Variants in RIPOR2 observed in about 807,000 individuals in gnomAD.
RIPOR2 encodes the protein rho family-interacting cell polarization regulator 2.
RIPOR2 carries 39 observed loss-of-function variants against 114.5 expected under a neutral mutation model. The ratio of observed to expected loss-of-function variants is 0.34; its 90% CI spans 0.26 to 0.44. RIPOR2 has a LOEUF of 0.44. Among genes scored for constraint, RIPOR2 ranks in the 20% least tolerant of loss-of-function variants. The probability of loss-of-function intolerance (pLI) is 1.00; values close to 1 mark genes in which losing one functional copy is unlikely to be tolerated. For synonymous variants in RIPOR2, 445 were observed against 484.4 expected (o/e 0.92, Z 1.07); for missense variants, 1,007 against 1,255.1 (o/e 0.80, Z 2.99).
chr6:24,870,718 T>A, intron 5 of RIPOR2, 148 bp downstream of exon 5: 1 of 566,644 alleles, frequency 1.8e-6, no homozygotes, highest in Non-Finnish European at 3.1e-6. Flanking sequence ...TTTGCCACAT[T>A]GCCCAGGCAG....
chr6:24,932,413 A>T (rs115493253), intron 1 of RIPOR2, among the ~76,000 whole-genome samples: 1,573 of 151,742 alleles, frequency 0.01, 33 homozygotes, highest in African/African-American at 0.036. Flanking sequence ...TGGGATTTGC[A>T]GTGTGTAGGT....
chr6:24,929,337 C>T (rs938937664), intron 1 of RIPOR2: 4 of 152,114 alleles, frequency 2.6e-5, no homozygotes, highest in African/African-American at 9.7e-5. Flanking sequence ...TGACACGTCC[C>T]TCTTCAGCCT....
At chr6:25,003,405 T>C (rs1775405796) in intron 1 of RIPOR2, among the ~76,000 whole-genome samples, 1 of 145,720 alleles carries the variant, frequency 6.9e-6, no homozygotes, top group Middle Eastern at 3.6e-3. Flanking sequence ...TTATTATTAT[T>C]ATTATTATTA....
At chr6:24,889,966 A>ACTG (rs1174723355) in intron 1 of RIPOR2, among the ~76,000 whole-genome samples, 1 of 152,022 alleles carries the variant, frequency 6.6e-6, no homozygotes, top group African/African-American at 2.4e-5. Flanking sequence ...ATCTTGGCTC[A>ACTG]CTGCAACCTC....
At chr6:24,909,838 G>A (rs769773309) in intron 1 of RIPOR2, among the ~76,000 whole-genome samples, 31 of 152,000 alleles carry the variant, frequency 2.0e-4, no homozygotes, top group South Asian at 1.7e-3. Context: ...TCCAAGACAG[G>A]GACCTACGAG....
At chr6:24,850,784 C>T in intron 9 of RIPOR2, 62 bp from the exon 10 acceptor site, 1 of 1,591,542 alleles carries the variant, frequency 6.3e-7, no homozygotes, top group South Asian at 1.1e-5. Context: ...ACCAGAACAC[C>T]AAGATCAAAA....
intron 21 of RIPOR2, among the ~76,000 whole-genome samples, 198 bp downstream of exon 21, chr6:24,809,519 C>G (rs1780996316): frequency 6.6e-6 from 1 of 152,214 alleles, no homozygotes; most frequent in South Asian, 2.1e-4. Flanking sequence ...AGCATCCAGA[C>G]AGAACAAGGA....
chr6:24,826,782 C>A (rs1285903706), intron 18 of RIPOR2, among the ~76,000 whole-genome samples: 1 of 152,114 alleles, frequency 6.6e-6, no homozygotes. Flanking sequence ...GATCAATACT[C>A]TATAAGGCAT....
chr6:25,025,709 C>T (rs1277854743), intron 1 of RIPOR2, among the ~76,000 whole-genome samples: 1 of 152,178 alleles, frequency 6.6e-6, no homozygotes, highest in Non-Finnish European at 1.5e-5. Context: ...AGAAAAACTT[C>T]CTGTGATATG....
At chr6:25,013,754 A>G (rs61176793) in intron 1 of RIPOR2, among the ~76,000 whole-genome samples, 3,977 of 152,296 alleles carry the variant, frequency 0.026, 93 homozygotes, top group East Asian at 0.064. Context: ...AAATTTTCAA[A>G]TCAGAAAGTG....
intron 15 of RIPOR2, 132 bp from the exon 16 acceptor site, chr6:24,832,523 A>G: frequency 3.9e-6 from 3 of 769,730 alleles, no homozygotes; most frequent in Non-Finnish European, 6.3e-6. Flanking sequence ...CCAGCTCGAT[A>G]ATGATCCTCA....
chr6:24,809,724 C>T lies in RIPOR2; in HGVS notation c.3036G>A (p.Leu1012=), dbSNP rs1781015280. The T allele has an allele frequency of 6.5e-7, 1 of 1,543,728 alleles. No individual in the cohort carries two copies. The highest frequency in any genetic ancestry group is 8.8e-7 in the Non-Finnish European group (1 of 1,139,704). ...AACAACAATAAAACTCACCCAGAGACAAGAGGGTTTCTGAGGCCACATTTC... is the reference window on the plus strand; with the variant it reads ...AACAACAATAAAACTCACCCAGAGATAAGAGGGTTTCTGAGGCCACATTTC... ...EIRNVASETL[L]SLGEDGRLAY... is the part of the protein sequence containing the mutation. The change falls in exon 21 of 22, where the codon TTG becomes TTA. Residue 1012 remains leucine (L), a synonymous_variant. Transcript: ENST00000643898.
At chr6:24,945,270 C>T (rs1772350010) in intron 1 of RIPOR2, among the ~76,000 whole-genome samples, 1 of 151,984 alleles carries the variant, frequency 6.6e-6, no homozygotes, top group African/African-American at 2.4e-5. Context: ...CAAAACTATC[C>T]TTTGAGAATG....
chr6:25,013,273 A>AT (rs1009020777), intron 1 of RIPOR2, among the ~76,000 whole-genome samples: 189 of 150,458 alleles, frequency 1.3e-3, no homozygotes, highest in Middle Eastern at 3.4e-3. Flanking sequence ...AAGGTCAGTG[A>AT]TTTTTTTTTT....
rs1163913863 is a variant in RIPOR2 at position 24,842,918 on chromosome 6, A to G, written c.1801T>C (p.Tyr601His). 4 of 1,508,214 alleles carry G rather than the reference A, an allele frequency of 2.7e-6. No homozygotes were observed. The highest frequency in any genetic ancestry group is 1.4e-5 in the South Asian group (1 of 72,916). 93.4% of individuals were successfully genotyped at this position (1,508,214 alleles called of 1,614,324 possible). Residue 601 changes from tyrosine (Y) to histidine (H), a missense_variant, in exon 13 of 22, where the codon TAT becomes CAT. Coordinates refer to ENST00000643898, the MANE Select transcript of RIPOR2 (RefSeq NM_001286445.3). Reference protein sequence around the residue: ...LLALEPHKEQYKEFQDLNQEV... With the variant: ...LLALEPHKEQHKEFQDLNQEV... ...TGGTTCAGATCCTGAAACTCTTTAT[A>G]CTGCTCTTTATGTGGTTCTAATGCA...
intron 1 of RIPOR2, among the ~76,000 whole-genome samples, chr6:24,908,067 C>T (rs1054070992): frequency 4.0e-5 from 6 of 151,724 alleles, no homozygotes; most frequent in African/African-American, 1.2e-4. Context: ...GTCTATCTCC[C>T]CCAGCTCATG....
chr6:24,870,840 CA>C (rs1765094714), intron 5 of RIPOR2, 25 bp downstream of exon 5: 11 of 1,589,762 alleles, frequency 6.9e-6, no homozygotes, highest in Non-Finnish European at 9.5e-6. Flanking sequence ...TTCTTATTAG[CA>C]CCCCAACACG....
At chr6:24,910,435 A>C (rs968836005) in intron 1 of RIPOR2, 3 of 152,392 alleles carry the variant, frequency 2.0e-5, no homozygotes, top group Non-Finnish European at 4.4e-5. Flanking sequence ...GGGGCCACCC[A>C]GGACTCCCAT....
chr6:24,996,095 C>A (rs1775035091), intron 1 of RIPOR2, among the ~76,000 whole-genome samples: 1 of 152,228 alleles, frequency 6.6e-6, no homozygotes, highest in Non-Finnish European at 1.5e-5. Context: ...AGCCACCACG[C>A]CTGGCCTAGA....
Sources: allele counts gnomAD v4.1 joint callset (sites outside exome capture counted in the v4.1 genomes callset), GRCh38; gene constraint gnomAD v4.1.1; transcripts MANE v1.5; gene names NCBI Gene and HGNC (gene_info 2026-07-23, HGNC 2026-07-21).